SLC6A18: variants seen among roughly 807,000 people sequenced by gnomAD.
SLC6A18 encodes inactive sodium-dependent neutral amino acid transporter B(0)AT3.
In SLC6A18, 58 loss-of-function variants were observed where a neutral mutation model predicts 62.9. The ratio of observed to expected loss-of-function variants is 0.92; its 90% CI spans 0.75 to 1.15. The LOEUF is 1.15. Ranked by LOEUF, SLC6A18 falls within the 50% of genes most tolerant of loss-of-function variation. The pLI, the probability that SLC6A18 is intolerant of heterozygous loss-of-function variation, is 0.00. For synonymous variants in SLC6A18, 382 were observed against 365.8 expected (o/e 1.04, Z -0.51); for missense variants, 793 against 836.6 (o/e 0.95, Z 0.64).
rs780612756 is a variant in SLC6A18, at chr5:1,245,869, G to A, written c.1678G>A (p.Glu560Lys). ...PKYELFPSRQ[E>K]KLYPGWARAA... Reference sequence around the variant, plus strand: ...GCAGGAGCTGTTCCCCTCGCGTCAGGAGAAGCTCTACCCGGGCTGGGCGCG... The same window carrying A: ...GCAGGAGCTGTTCCCCTCGCGTCAGAAGAAGCTCTACCCGGGCTGGGCGCG... The change falls in exon 12 of 12, where the codon GAG (glutamate) becomes AAG (lysine). Residue 560 changes from glutamate (E) to lysine (K), a missense_variant. Glu to Lys is a moderately conservative substitution (Grantham distance 56). Coordinates refer to ENST00000324642, the MANE Select transcript of SLC6A18 (RefSeq NM_182632.3). 224 of 1,607,652 alleles carry A rather than the reference G, an allele frequency of 1.4e-4. No homozygotes were observed. The highest frequency in any genetic ancestry group is 1.8e-4 in the Non-Finnish European group (217 of 1,178,456).
chr5:1,232,418 T>G, intron 2 of SLC6A18, 59 bp downstream of exon 2: 1 of 1,560,004 alleles, frequency 6.4e-7, no homozygotes, highest in Non-Finnish European at 8.7e-7. Context: ...CCCTCCTGGA[T>G]GAGAGGTGGG....
At position 1,244,196 on chromosome 5, in the gene SLC6A18, C is replaced by T. The variant is rs763135963; in HGVS notation, c.1337-18C>T. ...TCCCCATCCCCTTACCCCCCACACC[C>T]CTTTCCCACTGCCCCAGGGCTGGTC... On this transcript the variant is annotated intron_variant, in intron 9 of 11. Transcript: ENST00000324642. 2 of 1,603,874 alleles carry T rather than the reference C, an allele frequency of 1.2e-6. No individual in the cohort carries two copies. Among genetic ancestry groups the T allele is most frequent in the Non-Finnish European group, 8.5e-7 (1 of 1,173,696 alleles).
At chr5:1,234,202 T>C (rs1029889321) in intron 3 of SLC6A18, among the ~76,000 whole-genome samples, 4 of 152,232 alleles carry the variant, frequency 2.6e-5, no homozygotes, top group Non-Finnish European at 5.9e-5. Context: ...TATCTTTCAA[T>C]GACTTGCTTA....
In SLC6A18 at chr5:1,244,643, G is replaced by A. The variant is rs371159541; in HGVS notation, c.1532G>A (p.Arg511Gln). ...GACATTGCGTGGATGACCGGGAGGC[G>A]GCCCAGCCCCTACTGGCGGCTGACC... ...CDDIAWMTGR[R>Q]PSPYWRLTWR... The change falls in exon 11 of 12, where the codon CGG (arginine) becomes CAG (glutamine). Residue 511 changes from arginine (R) to glutamine (Q), a missense_variant. Transcript: ENST00000324642. The A allele has an allele frequency of 1.4e-5, 22 of 1,607,696 alleles. No individual in the cohort carries two copies. Among genetic ancestry groups the A allele is most frequent in the East Asian group, 6.7e-5 (3 of 44,642 alleles).
intron 4 of SLC6A18, among the ~76,000 whole-genome samples, chr5:1,236,586 A>G (rs893490716): frequency 2.6e-5 from 4 of 152,168 alleles, no homozygotes; most frequent in Non-Finnish European, 2.9e-5. Context: ...CTTACCCTGT[A>G]TTCTCTAGTG....
chr5:1,242,612 C>T (rs1747092266), intron 7 of SLC6A18, 95 bp from the exon 8 acceptor site: 1 of 1,498,116 alleles, frequency 6.7e-7, no homozygotes, highest in Non-Finnish European at 9.0e-7. Flanking sequence ...CCCAGCCCTC[C>T]CAGGGATGCT....
At chr5:1,238,157 A>G (rs879199637) in intron 5 of SLC6A18, 97 bp downstream of exon 5, 37 of 953,976 alleles carry the variant, frequency 3.9e-5, no homozygotes, top group East Asian at 2.0e-4. Flanking sequence ...GTGAGAGGCC[A>G]GGAGCCACTC....
intron 11 of SLC6A18, among the ~76,000 whole-genome samples, chr5:1,245,388 G>A (rs1747192179): frequency 6.6e-6 from 1 of 152,148 alleles, no homozygotes; most frequent in Admixed American, 6.5e-5. Context: ...GAATGTGGAC[G>A]CCACTCCTCT....
chr5:1,242,645 G>A, intron 7 of SLC6A18, 62 bp from the exon 8 acceptor site: 1 of 1,544,270 alleles, frequency 6.5e-7, no homozygotes, highest in Non-Finnish European at 8.8e-7. Flanking sequence ...ACCAACCAAG[G>A]GTTTCTCTGG....
rs1747067364 is a variant in SLC6A18, at chr5:1,241,810, T to C, written c.975-897T>C. Among the ~76,000 whole-genome samples, 2 of 152,184 alleles carry C rather than the reference T, an allele frequency of 1.3e-5. No individual in the cohort carries two copies. The highest frequency in any genetic ancestry group is 2.9e-5 in the Non-Finnish European group (2 of 68,038). On this transcript the variant is annotated intron_variant, in intron 7 of 11. Coordinates refer to ENST00000324642, the MANE Select transcript of SLC6A18 (RefSeq NM_182632.3). The surrounding 1 kb of genome is among the most constrained non-coding windows in gnomAD (Gnocchi z 7.8). ...AGTAACTGTAAAAGTGCGCAAATAT[T>C]GACGGGGTTACAAGCACATCTCAAT...
rs1423501250 is a variant in SLC6A18, at chr5:1,246,051, C to T, written c.1860C>T (p.Asp620=). Residue 620 remains aspartate (D), a synonymous_variant, in exon 12 of 12, where the codon GAC becomes GAT. Transcript: ENST00000324642. ...RPDTDTRPDT[D]MRPDTDMR The stretch of plus-strand genomic sequence containing the variant: ...ACACGGACACGCGCCCAGACACGGA[C>T]ATGCGCCCGGACACGGACATGCGCT... 4 of 1,588,960 alleles carry T rather than the reference C, an allele frequency of 2.5e-6. No individual in the cohort carries two copies. Among genetic ancestry groups the T allele is most frequent in the Non-Finnish European group, 3.4e-6 (4 of 1,173,732 alleles).
intron 2 of SLC6A18, 34 bp from the exon 3 acceptor site, chr5:1,232,717 C>A: frequency 1.3e-6 from 2 of 1,574,870 alleles, no homozygotes; most frequent in Non-Finnish European, 1.7e-6. Flanking sequence ...TGGGAAGGAG[C>A]CCCGGGGCCA....
At chr5:1,245,554 C>T (rs1161750959) in intron 11 of SLC6A18, among the ~76,000 whole-genome samples, 1 of 152,200 alleles carries the variant, frequency 6.6e-6, no homozygotes, top group African/African-American at 2.4e-5. Context: ...CGGCCTCCAA[C>T]GACGCCCAAT....
In SLC6A18 at chr5:1,229,961, C is replaced by T. The variant is rs151076146; in HGVS notation, c.161-2258C>T. Among the ~76,000 whole-genome samples the T allele has an allele frequency of 2.3e-4, 23 of 101,868 alleles. No individual in the cohort carries two copies. The East Asian group carries it at 2.3e-3, about 10-fold the overall frequency. The allele number at this position is 101,868 out of a possible 152,430, so 66.8% of individuals were successfully genotyped here. ...GGAGGGGAGGGAAGAAGGGCTGTCA[C>T]GGTGCAGGCTGGAGGGGAGGGAAGA... On this transcript the variant is annotated intron_variant, in intron 1 of 11. Coordinates refer to ENST00000324642, the MANE Select transcript of SLC6A18 (RefSeq NM_182632.3).
chr5:1,237,828 T>C, intron 4 of SLC6A18, 122 bp from the exon 5 acceptor site: 1 of 739,386 alleles, frequency 1.4e-6, no homozygotes, highest in South Asian at 1.7e-5. Context: ...TCCTGGTCAA[T>C]CCCATACCAG....
intron 1 of SLC6A18, among the ~76,000 whole-genome samples, chr5:1,227,091 TTGCCCGCC>T (rs1389029337): frequency 1.3e-4 from 10 of 75,440 alleles, no homozygotes; most frequent in Non-Finnish European, 2.9e-4. Context: ...CGCCGACGCC[TTGCCCGCC>T]GACGCCTTGC....
In SLC6A18 at chr5:1,246,082, C is replaced by G. The variant is rs774134092; in HGVS notation, c.*4C>G. The G allele has an allele frequency of 6.5e-7, 1 of 1,545,802 alleles. No homozygotes were observed. Among genetic ancestry groups the G allele is most frequent in the Non-Finnish European group, 8.7e-7 (1 of 1,150,694 alleles). On this transcript the variant is annotated 3_prime_UTR_variant, in exon 12 of 12. Coordinates refer to ENST00000324642, the MANE Select transcript of SLC6A18 (RefSeq NM_182632.3). The stretch of plus-strand genomic sequence containing the variant: ...CCCGGACACGGACATGCGCTGAAGC[C>G]GGCCGGAGCGGGGCCTGCATGGGCG...
chr5:1,232,425 T>TGGGGCG (rs1321561392), intron 2 of SLC6A18, 66 bp downstream of exon 2: 1 of 1,432,260 alleles, frequency 7.0e-7, no homozygotes, highest in Non-Finnish European at 9.4e-7. Context: ...GGATGAGAGG[T>TGGGGCG]GGGGCGGGGG....
At chr5:1,227,455 C>T (rs1401616364) in intron 1 of SLC6A18, among the ~76,000 whole-genome samples, 1 of 152,278 alleles carries the variant, frequency 6.6e-6, no homozygotes, top group African/African-American at 2.4e-5. Context: ...TCACACACTT[C>T]CTAAGGGCCG....
Sources: allele counts gnomAD v4.1 joint callset (sites outside exome capture counted in the v4.1 genomes callset), GRCh38; gene constraint gnomAD v4.1.1; non-coding constraint Gnocchi (gnomAD v3.1); transcripts MANE v1.5; gene names NCBI Gene and HGNC (gene_info 2026-07-23, HGNC 2026-07-21).